Variants in SHANK2 observed in about 807,000 individuals in gnomAD.
SHANK2 encodes SH3 and multiple ankyrin repeat domains protein 2.
In SHANK2, 43 loss-of-function variants were observed where a neutral mutation model predicts 133.7. The ratio of observed to expected loss-of-function variants is 0.32; its 90% CI spans 0.25 to 0.41. SHANK2 has a LOEUF of 0.41. Among genes scored for constraint, SHANK2 ranks in the 10% least tolerant of loss-of-function variants. The pLI is 1.00. For synonymous variants in SHANK2, 1,017 were observed against 952.8 expected, an observed-to-expected ratio of 1.07 and a Z score of -1.24; for missense variants, 1,994 against 2,235.8, an observed-to-expected ratio of 0.89 and a Z score of 2.18.
chr11:71,206,541 CCA>C (rs1954130810), intron 2 of SHANK2, among the ~76,000 whole-genome samples: 1 of 152,176 alleles, frequency 6.6e-6, no homozygotes, highest in African/African-American at 2.4e-5. Context: ...ATTCTCATAT[CCA>C]CAGTTACAGA....
At chr11:70,814,995 C>G (rs1042676502) in intron 12 of SHANK2, among the ~76,000 whole-genome samples, 1 of 152,182 alleles carries the variant, frequency 6.6e-6, no homozygotes, top group Non-Finnish European at 1.5e-5. Flanking sequence ...ACTCCCAGAG[C>G]AGGGACTCAG....
At chr11:71,161,601 A>C (rs1433777230) in intron 2 of SHANK2, among the ~76,000 whole-genome samples, 1 of 151,940 alleles carries the variant, frequency 6.6e-6, no homozygotes, top group African/African-American at 2.4e-5. Flanking sequence ...CATAATAACA[A>C]CTCTTTCAAC....
chr11:70,494,529 A>G (rs543282475), intron 21 of SHANK2, among the ~76,000 whole-genome samples: 149 of 152,188 alleles, frequency 9.8e-4, no homozygotes, highest in Non-Finnish European at 9.0e-4. Context: ...CCTGACCTCA[A>G]GTGATGTGCC....
chr11:70,473,608 G>A lies in SHANK2; in HGVS notation c.4980-169C>T, dbSNP rs1555149390. The A allele has an allele frequency of 1.4e-6, 1 of 724,796 alleles. No homozygotes were observed. Among genetic ancestry groups the A allele is most frequent in the Admixed American group, 2.0e-5 (1 of 49,726 alleles). 44.9% of individuals were successfully genotyped at this position (724,796 alleles called of 1,614,324 possible). On this transcript the variant is annotated intron_variant, in intron 25 of 25. Transcript: ENST00000601538. This position sits in a 1 kb window ranked among gnomAD's most constrained non-coding sequence, Gnocchi z 5.9. ...TTTGCCATGCCAGGGTGGGGGAGGGGGAGAAAGGGGCCAGAGCAAAGTTGG... is the reference window on the plus strand; with the variant it reads ...TTTGCCATGCCAGGGTGGGGGAGGGAGAGAAAGGGGCCAGAGCAAAGTTGG...
intron 4 of SHANK2, among the ~76,000 whole-genome samples, chr11:71,117,553 G>A (rs1952001813): frequency 6.6e-6 from 1 of 152,116 alleles, no homozygotes; most frequent in Non-Finnish European, 1.5e-5. Flanking sequence ...AGGACTCCCA[G>A]TCGCCCTGCT....
intron 14 of SHANK2, among the ~76,000 whole-genome samples, chr11:70,732,003 C>A (rs1555032348): frequency 2.0e-5 from 3 of 152,178 alleles, no homozygotes; most frequent in Admixed American, 1.3e-4. Context: ...TCCCCATCCT[C>A]TGAACGCAGT....
At chr11:70,793,585 C>T (rs1200031048) in intron 14 of SHANK2, among the ~76,000 whole-genome samples, 2 of 152,226 alleles carry the variant, frequency 1.3e-5, no homozygotes, top group East Asian at 3.9e-4. Flanking sequence ...CAAAGAGATG[C>T]CTAATCATCA....
chr11:71,226,811 A>C (rs536300952), intron 1 of SHANK2: 37 of 152,230 alleles, frequency 2.4e-4, no homozygotes, highest in South Asian at 2.1e-3. Flanking sequence ...GGAGTTTTGG[A>C]ACATTAGGAA....
At chr11:70,595,551 G>T (rs1317109577) in intron 17 of SHANK2, among the ~76,000 whole-genome samples, 1 of 152,180 alleles carries the variant, frequency 6.6e-6, no homozygotes, top group African/African-American at 2.4e-5. Flanking sequence ...GTGGCCTGGA[G>T]CCCAGCCTAC....
chr11:70,900,082 G>A (rs1293596284), intron 10 of SHANK2, among the ~76,000 whole-genome samples: 2 of 152,216 alleles, frequency 1.3e-5, no homozygotes, highest in Non-Finnish European at 1.5e-5. Context: ...TGGGCCAGGC[G>A]CTGCGGCTCA....
intron 2 of SHANK2, among the ~76,000 whole-genome samples, chr11:71,209,802 T>C (rs1954214949): frequency 6.6e-6 from 1 of 152,090 alleles, no homozygotes. Context: ...GTGAGCTGCC[T>C]AGAGAGATAT....
At position 70,904,291 on chromosome 11, in the gene SHANK2, G is replaced by A. The variant is rs111227165; in HGVS notation, c.1108-7724C>T. ...GTTCAGGAGGTGCAGGCAGGCTGGGGGCTGGTGAGCACAGCAGGTAAAGCT... is the reference window on the plus strand; with the variant it reads ...GTTCAGGAGGTGCAGGCAGGCTGGGAGCTGGTGAGCACAGCAGGTAAAGCT... On this transcript the variant is annotated intron_variant, in intron 10 of 25. Transcript: ENST00000601538. 5.1e-3 allele frequency among the ~76,000 whole-genome samples: 770 copies of A among 152,234 alleles called. 6 individuals are homozygous for A. Among genetic ancestry groups the A allele is most frequent in the African/African-American group, 0.018 (748 of 41,548 alleles).
intron 6 of SHANK2, among the ~76,000 whole-genome samples, chr11:71,105,590 T>TAA (rs60654256): frequency 0.062 from 4,848 of 77,874 alleles, 210 homozygotes; most frequent in African/African-American, 0.077. Context: ...AGACTCAGTC[T>TAA]AAAAAAAAAA....
In SHANK2 at chr11:70,885,661, C is replaced by G. The variant is rs149357471; in HGVS notation, c.1174+10840G>C. Reference sequence around the variant, plus strand: ...CACAGAGATGCATGCTGGGCAGGAGCTCCGGCCTCACTGTCACTGCAGCAT... The same window carrying G: ...CACAGAGATGCATGCTGGGCAGGAGGTCCGGCCTCACTGTCACTGCAGCAT... On this transcript the variant is annotated intron_variant, in intron 11 of 25. Coordinates refer to ENST00000601538, the MANE Select transcript of SHANK2 (RefSeq NM_012309.5). 4.3e-3 allele frequency among the ~76,000 whole-genome samples: 654 copies of G among 152,252 alleles called. 1 individual carries two copies. Among genetic ancestry groups the G allele is most frequent in the Non-Finnish European group, 6.5e-3 (443 of 68,010 alleles).
At chr11:70,612,859 C>G (rs782052485) in intron 17 of SHANK2, among the ~76,000 whole-genome samples, 7 of 151,970 alleles carry the variant, frequency 4.6e-5, no homozygotes, top group Non-Finnish European at 7.3e-5. Context: ...GTGGCCTCCA[C>G]GTTCCCCTCC....
intron 11 of SHANK2, among the ~76,000 whole-genome samples, chr11:70,890,736 CTG>C (rs1949827815): frequency 6.7e-6 from 1 of 150,282 alleles, no homozygotes; most frequent in African/African-American, 2.5e-5. Context: ...GAGGCAGAGG[CTG>C]CAGTGAGCCA....
At chr11:70,728,554 G>A (rs782223086) in intron 14 of SHANK2, among the ~76,000 whole-genome samples, 18 of 152,208 alleles carry the variant, frequency 1.2e-4, no homozygotes, top group African/African-American at 3.4e-4. Flanking sequence ...TGAGTGGAAC[G>A]GGGCTGGGCT....
intron 12 of SHANK2, among the ~76,000 whole-genome samples, chr11:70,808,976 G>A (rs545841344): frequency 5.3e-5 from 8 of 152,122 alleles, no homozygotes; most frequent in Non-Finnish European, 8.8e-5. Flanking sequence ...CATTGATTTT[G>A]CACAGAGCTA....
chr11:70,710,981 A>C (rs1945769871), intron 14 of SHANK2, among the ~76,000 whole-genome samples: 2 of 152,220 alleles, frequency 1.3e-5, no homozygotes, highest in African/African-American at 4.8e-5. Context: ...ATCTCACCCA[A>C]GACAGAGATT....
Sources: allele counts gnomAD v4.1 joint callset (sites outside exome capture counted in the v4.1 genomes callset), GRCh38; gene constraint gnomAD v4.1.1; non-coding constraint Gnocchi (gnomAD v3.1); transcripts MANE v1.5; gene names NCBI Gene and HGNC (gene_info 2026-07-23, HGNC 2026-07-21).